The following ENPP6 variants were observed in gnomAD, a reference collection of about 807,000 sequenced individuals.
ENPP6 encodes ectonucleotide pyrophosphatase/phosphodiesterase 6, also known as glycerophosphocholine cholinephosphodiesterase ENPP6.
ENPP6 carries 32 observed loss-of-function variants against 42.0 expected under a neutral mutation model. The observed-to-expected ratio is 0.76, with a 90% CI of 0.58 to 1.02. ENPP6 has a LOEUF of 1.02. Among genes scored for constraint, ENPP6 ranks in the 50% least tolerant of loss-of-function variants. The probability of loss-of-function intolerance (pLI) is 0.00; values close to 1 mark genes in which losing one functional copy is unlikely to be tolerated. For missense variants in ENPP6, 552 were observed against 566.8 expected, an observed-to-expected ratio of 0.97 and a Z score of 0.27; for synonymous variants, 213 against 216.0, an observed-to-expected ratio of 0.99 and a Z score of 0.12.
intron 1 of ENPP6, among the ~76,000 whole-genome samples, chr4:184,171,844 G>C (rs1045669654): frequency 6.6e-6 from 1 of 152,110 alleles, no homozygotes; most frequent in Non-Finnish European, 1.5e-5. Context: ...AGATAGAGCA[G>C]AGAAGAAGAC....
intron 2 of ENPP6, among the ~76,000 whole-genome samples, chr4:184,131,197 C>CT (rs1340443264): frequency 4.6e-4 from 22 of 48,014 alleles, no homozygotes; most frequent in Non-Finnish European, 8.1e-4. Flanking sequence ...TTCTTTCTTT[C>CT]TTTCTTCTTT....
At chr4:184,169,828 T>TA (rs1229977763) in intron 1 of ENPP6, among the ~76,000 whole-genome samples, 3 of 152,264 alleles carry the variant, frequency 2.0e-5, no homozygotes, top group Admixed American at 6.5e-5. Flanking sequence ...ACATTTAGTT[T>TA]AAAAATTATC....
intron 6 of ENPP6, among the ~76,000 whole-genome samples, chr4:184,098,878 A>AT (rs1321277563): frequency 6.6e-6 from 1 of 152,200 alleles, no homozygotes; most frequent in Non-Finnish European, 1.5e-5. Flanking sequence ...ACTATTTCAA[A>AT]TGCAGGAGGT....
At chr4:184,101,047 C>G (rs915867932) in intron 6 of ENPP6, among the ~76,000 whole-genome samples, 4 of 152,106 alleles carry the variant, frequency 2.6e-5, no homozygotes, top group African/African-American at 9.7e-5. Flanking sequence ...CCCAGGGAGG[C>G]CTTCAGCAGT....
chr4:184,150,525 A>G (rs1025993749), intron 2 of ENPP6, among the ~76,000 whole-genome samples: 1 of 152,258 alleles, frequency 6.6e-6, no homozygotes. Context: ...TTGCAGAGAC[A>G]CATGAGTGCT....
intron 7 of ENPP6, among the ~76,000 whole-genome samples, chr4:184,096,341 C>T (rs1440031566): frequency 1.3e-5 from 2 of 152,158 alleles, no homozygotes; most frequent in Non-Finnish European, 2.9e-5. Context: ...TGGGCTGAAA[C>T]ATTTTGACCA....
chr4:184,146,791 C>T (rs1383232765), intron 2 of ENPP6, among the ~76,000 whole-genome samples: 1 of 152,206 alleles, frequency 6.6e-6, no homozygotes, highest in Non-Finnish European at 1.5e-5. Flanking sequence ...ATACTACCTC[C>T]CCTTGCTTTT....
chr4:184,131,081 T>C (rs1451548065), intron 2 of ENPP6, among the ~76,000 whole-genome samples: 2 of 152,240 alleles, frequency 1.3e-5, no homozygotes, highest in East Asian at 1.9e-4. Context: ...GTCAACTTTA[T>C]AAGATAATGT....
Position 184,112,773 on chromosome 4 carries a change from C to G in ENPP6, c.892G>C (p.Val298Leu), listed in dbSNP as rs761330652. ...NKLSTVEHMTVYEKEAIPSRF... is the reference protein window; with the variant it reads ...NKLSTVEHMTLYEKEAIPSRF... ...CTTGGGATGGCTTCTTTCTCGTAGACAGTCATGTGTTCCACTGTGCTCAGT... is the reference window on the plus strand; with the variant it reads ...CTTGGGATGGCTTCTTTCTCGTAGAGAGTCATGTGTTCCACTGTGCTCAGT... Residue 298 changes from valine (V) to leucine (L), a missense_variant, in exon 6 of 8, where the codon GTC becomes CTC. Val to Leu is a conservative substitution (Grantham distance 32). Transcript: ENST00000296741. The G allele has an allele frequency of 6.2e-7, 1 of 1,614,092 alleles. No individual in the cohort carries two copies. The highest frequency in any genetic ancestry group is 8.5e-7 in the Non-Finnish European group (1 of 1,180,022).
At chr4:184,186,404 G>A (rs1732635578) in intron 1 of ENPP6, among the ~76,000 whole-genome samples, 1 of 152,156 alleles carries the variant, frequency 6.6e-6, no homozygotes. Context: ...CAGTTTTCTG[G>A]GGGCGGGGTG....
intron 6 of ENPP6, among the ~76,000 whole-genome samples, chr4:184,100,559 G>T (rs1735982261): frequency 6.6e-6 from 1 of 152,228 alleles, no homozygotes; most frequent in Admixed American, 6.5e-5. Flanking sequence ...GGGCTTGTGT[G>T]TGTGCGTTCA....
chr4:184,201,608 T>G (rs535780498), intron 1 of ENPP6, among the ~76,000 whole-genome samples: 115 of 152,172 alleles, frequency 7.6e-4, no homozygotes, highest in Non-Finnish European at 1.3e-3. Flanking sequence ...CAGAACACCC[T>G]CTGGTCACCA....
intron 1 of ENPP6, among the ~76,000 whole-genome samples, chr4:184,190,104 C>T (rs1467558440): frequency 2.0e-5 from 3 of 152,282 alleles, no homozygotes; most frequent in East Asian, 1.9e-4. Flanking sequence ...CACACCATGT[C>T]GCCTCAGGGA....
intron 1 of ENPP6, among the ~76,000 whole-genome samples, chr4:184,189,601 A>C (rs1210687573): frequency 6.6e-6 from 1 of 152,222 alleles, no homozygotes; most frequent in Non-Finnish European, 1.5e-5. Flanking sequence ...CAAAGTCAGG[A>C]AGCCTCATGA....
intron 3 of ENPP6, among the ~76,000 whole-genome samples, chr4:184,118,930 A>G (rs763956659): frequency 3.3e-5 from 5 of 152,224 alleles, no homozygotes; most frequent in Non-Finnish European, 7.3e-5. Flanking sequence ...TGAGTCTCCC[A>G]TCACCTTATG....
intron 1 of ENPP6, among the ~76,000 whole-genome samples, chr4:184,186,759 T>C (rs1235970187): frequency 6.6e-6 from 1 of 152,132 alleles, no homozygotes; most frequent in African/African-American, 2.4e-5. Flanking sequence ...GTTCATGCAT[T>C]TGCCCCGCCG....
chr4:184,215,868 C>G (rs1015651956), intron 1 of ENPP6, among the ~76,000 whole-genome samples: 3 of 152,096 alleles, frequency 2.0e-5, no homozygotes, highest in Non-Finnish European at 4.4e-5. Context: ...CACCCACAGC[C>G]GGAAAAGAAG....
At chr4:184,093,662 A>AATAATAATAATC (rs2111326181) in intron 7 of ENPP6, among the ~76,000 whole-genome samples, 1 of 147,038 alleles carries the variant, frequency 6.8e-6, no homozygotes, top group Non-Finnish European at 1.5e-5. Flanking sequence ...TAATAATAAT[A>AATAATAATAATC]ATAATAATAA....
chr4:184,156,323 C>T (rs933912645), intron 1 of ENPP6, among the ~76,000 whole-genome samples: 1 of 152,164 alleles, frequency 6.6e-6, no homozygotes, highest in Non-Finnish European at 1.5e-5. Flanking sequence ...CAGTCGAAGT[C>T]GACTCAGACT....
Sources: gnomAD v4.1 joint callset for allele counts (sites outside exome capture counted in the v4.1 genomes callset) on GRCh38, gnomAD v4.1.1 for gene constraint, MANE v1.5 for transcripts, NCBI Gene and HGNC (gene_info 2026-07-23, HGNC 2026-07-21) for gene names.